The following TENM2 variants were observed in gnomAD, a reference collection of about 807,000 sequenced individuals.
TENM2 encodes the protein teneurin-2.
In TENM2, 52 loss-of-function variants were observed where a neutral mutation model predicts 245.2. The observed-to-expected ratio is 0.21, with a 90% CI of 0.17 to 0.27. The LOEUF (loss-of-function observed/expected upper bound fraction) is 0.27, where lower values mean the gene tolerates loss of function less well. Ranked by LOEUF, TENM2 falls within the 10% of genes least tolerant of loss-of-function variation. The pLI is 1.00. For synonymous variants in TENM2, 1,363 were observed against 1,438.9 expected (o/e 0.95, Z 1.19); for missense variants, 3,046 against 3,666.8 (o/e 0.83, Z 4.37).
At chr5:167,058,912 G>A in the TENM2 span, among the ~76,000 whole-genome samples, 2 of 152,104 alleles carry the variant, frequency 1.3e-5, no homozygotes, top group Non-Finnish European at 2.9e-5. Context: ...AACTCACTTG[G>A]GATCTACAAG....
chr5:167,447,441 T>TTTCTCTTTGCTTGTTTGG (rs1765298449), intron 2 of TENM2, among the ~76,000 whole-genome samples: 1 of 152,246 alleles, frequency 6.6e-6, no homozygotes, highest in Admixed American at 6.5e-5. Flanking sequence ...TGTTCGTTTG[T>TTTCTCTTTGCTTGTTTGG]TTCTCTTTGC....
intron 2 of TENM2, among the ~76,000 whole-genome samples, chr5:167,780,072 G>T (rs1582991236): frequency 6.6e-6 from 1 of 152,186 alleles, no homozygotes; most frequent in African/African-American, 2.4e-5. Context: ...GACACTCCGG[G>T]TGACTCTAGG....
chr5:167,179,329 G>C, the TENM2 span, among the ~76,000 whole-genome samples: 231 of 152,256 alleles, frequency 1.5e-3, no homozygotes, highest in African/African-American at 5.1e-3. Context: ...TTCATTGTAC[G>C]TACTAACGGG....
intron 2 of TENM2, among the ~76,000 whole-genome samples, chr5:167,527,148 AC>A (rs1771177066): frequency 2.0e-5 from 3 of 152,082 alleles, no homozygotes; most frequent in Admixed American, 2.0e-4. Context: ...AAGATGGACA[AC>A]TGAAACTTTG....
At chr5:167,254,423 G>A in the TENM2 span, among the ~76,000 whole-genome samples, 1 of 152,130 alleles carries the variant, frequency 6.6e-6, no homozygotes, top group Non-Finnish European at 1.5e-5. Flanking sequence ...TCTCTATTAT[G>A]CATTTGTGCC....
intron 2 of TENM2, among the ~76,000 whole-genome samples, chr5:167,411,659 T>G (rs778635889): frequency 2.0e-5 from 3 of 151,048 alleles, no homozygotes; most frequent in Non-Finnish European, 4.4e-5. Flanking sequence ...AGACTTAGCT[T>G]AAAATATCTC....
intron 18 of TENM2, 43 bp downstream of exon 20, chr5:168,203,875 T>A: frequency 6.5e-7 from 1 of 1,549,464 alleles, no homozygotes; most frequent in Non-Finnish European, 8.8e-7. Flanking sequence ...CCTTGCCACT[T>A]CTCTGGAACC....
At chr5:168,236,048 G>A (rs914108449) in intron 25 of TENM2, among the ~76,000 whole-genome samples, 8 of 152,160 alleles carry the variant, frequency 5.3e-5, no homozygotes, top group East Asian at 1.9e-4. Flanking sequence ...TGAACAGAAG[G>A]AGAGCTCCAG....
the TENM2 span, among the ~76,000 whole-genome samples, chr5:167,142,130 T>C: frequency 1.3e-5 from 2 of 152,130 alleles, no homozygotes; most frequent in Admixed American, 6.5e-5. Context: ...GCTGCAAGAA[T>C]GTCGCTATGT....
At chr5:167,683,696 A>G (rs1403925192) in intron 2 of TENM2, among the ~76,000 whole-genome samples, 2 of 152,206 alleles carry the variant, frequency 1.3e-5, no homozygotes, top group Non-Finnish European at 2.9e-5. Flanking sequence ...CATTATAATG[A>G]AACTCACAAA....
At chr5:167,349,507 T>A (rs1212812432) in intron 1 of TENM2, among the ~76,000 whole-genome samples, 1 of 152,170 alleles carries the variant, frequency 6.6e-6, no homozygotes, top group African/African-American at 2.4e-5. Flanking sequence ...TAGAGATTAC[T>A]CAAAAATTAT....
At chr5:167,574,047 T>C (rs1054559300) in intron 2 of TENM2, 15 of 152,112 alleles carry the variant, frequency 9.9e-5, no homozygotes, top group African/African-American at 3.4e-4. Flanking sequence ...ATCGGAGGGT[T>C]TGACCGAGTG....
intron 12 of TENM2, among the ~76,000 whole-genome samples, chr5:168,148,101 G>A (rs147614643): frequency 3.3e-4 from 51 of 152,324 alleles, no homozygotes; most frequent in African/African-American, 1.2e-3. Context: ...TGCAATTTGG[G>A]AGTGTGTACG....
At chr5:167,947,401 A>G (rs879284231) in intron 3 of TENM2, among the ~76,000 whole-genome samples, 4 of 152,194 alleles carry the variant, frequency 2.6e-5, no homozygotes, top group Non-Finnish European at 5.9e-5. Flanking sequence ...TAAGATTACT[A>G]TATCCATTTT....
intron 2 of TENM2, among the ~76,000 whole-genome samples, chr5:167,681,960 G>C (rs568078752): frequency 6.6e-6 from 1 of 151,938 alleles, no homozygotes; most frequent in Non-Finnish European, 1.5e-5. Flanking sequence ...GTTTGTGTGC[G>C]TGCATGTGTG....
intron 2 of TENM2, among the ~76,000 whole-genome samples, chr5:167,712,986 A>C (rs946687861): frequency 2.6e-5 from 4 of 152,104 alleles, no homozygotes; most frequent in Non-Finnish European, 1.5e-5. Context: ...GCCCAGACAA[A>C]AGTATTTTCC....
At chr5:167,405,827 G>A (rs1297943317) in intron 2 of TENM2, among the ~76,000 whole-genome samples, 1 of 148,928 alleles carries the variant, frequency 6.7e-6, no homozygotes, top group Middle Eastern at 3.2e-3. Flanking sequence ...CCATTCCTGA[G>A]AAGGAACTTG....
chr5:167,051,607 A>C, the TENM2 span, among the ~76,000 whole-genome samples: 2 of 152,164 alleles, frequency 1.3e-5, no homozygotes, highest in Admixed American at 6.5e-5. Flanking sequence ...AGGGACTCGG[A>C]GGAGGCGAGA....
chr5:167,033,224 A>G, the TENM2 span, among the ~76,000 whole-genome samples: 1 of 152,232 alleles, frequency 6.6e-6, no homozygotes, highest in South Asian at 2.1e-4. Flanking sequence ...CACATCTATA[A>G]TTCACATCCC....
Sources: allele counts gnomAD v4.1 joint callset (sites outside exome capture counted in the v4.1 genomes callset), GRCh38; gene constraint gnomAD v4.1.1; transcripts MANE v1.5; gene names NCBI Gene and HGNC (gene_info 2026-07-23, HGNC 2026-07-21).